CPED1: variants seen among roughly 807,000 people sequenced by gnomAD.
CPED1 encodes the protein cadherin like and PC-esterase domain containing 1.
In CPED1, 114 loss-of-function variants were observed where a neutral mutation model predicts 128.2. The observed-to-expected ratio is 0.89, with a 90% CI of 0.76 to 1.04. CPED1 has a LOEUF of 1.04. CPED1 is among the 50% of genes least tolerant of loss of function. CPED1 has a pLI of 0.00. For missense variants in CPED1, 1,211 were observed against 1,207.1 expected (o/e 1.00, Z -0.05); for synonymous variants, 462 against 426.7 (o/e 1.08, Z -1.02).
intron 16 of CPED1, among the ~76,000 whole-genome samples, chr7:121,178,074 G>A (rs1796823386): frequency 6.6e-6 from 1 of 152,040 alleles, no homozygotes; most frequent in Non-Finnish European, 1.5e-5. Context: ...AGATCTTTTT[G>A]TCAGAAGAAC....
chr7:121,166,252 A>G (rs1175126422), intron 16 of CPED1, among the ~76,000 whole-genome samples: 1 of 152,200 alleles, frequency 6.6e-6, no homozygotes, highest in African/African-American at 2.4e-5. Context: ...GCTTATTACC[A>G]CAATGACACT....
rs534778733 is a variant in CPED1 at position 121,141,089 on chromosome 7, T to C, written c.1886+76T>C. 1.5e-5 allele frequency: 18 copies of C among 1,197,416 alleles called. No individual in the cohort carries two copies. The South Asian group carries it at 3.0e-4, about 20-fold the overall frequency. The allele number at this position is 1,197,416 out of a possible 1,614,324, so 74.2% of individuals were successfully genotyped here. ...CATTTGATGCAAACTTTGAAAGTGGTTCAGAAAAGCTGATTCATAAGATCA... is the reference window on the plus strand; with the variant it reads ...CATTTGATGCAAACTTTGAAAGTGGCTCAGAAAAGCTGATTCATAAGATCA... On this transcript the variant is annotated intron_variant, in intron 15 of 22. Transcript: ENST00000310396.
At chr7:121,213,525 C>G (rs1797693823) in intron 16 of CPED1, among the ~76,000 whole-genome samples, 1 of 151,990 alleles carries the variant, frequency 6.6e-6, no homozygotes, top group Non-Finnish European at 1.5e-5. Context: ...TGACTGTCCT[C>G]CCGTAATTCC....
chr7:121,127,553 T>G (rs1795535740), intron 10 of CPED1, among the ~76,000 whole-genome samples: 1 of 125,706 alleles, frequency 8.0e-6, no homozygotes. Flanking sequence ...TTTTTTTTTT[T>G]GAGACAGAGT....
At chr7:121,146,482 A>G (rs1055144313) in intron 16 of CPED1, among the ~76,000 whole-genome samples, 7 of 152,104 alleles carry the variant, frequency 4.6e-5, no homozygotes, top group African/African-American at 1.7e-4. Context: ...GAAGAAACCA[A>G]TTTAAGATTA....
At chr7:121,266,113 G>C in intron 18 of CPED1, 114 bp from the exon 19 acceptor site, 1 of 741,524 alleles carries the variant, frequency 1.3e-6, no homozygotes, top group Non-Finnish European at 2.3e-6. Context: ...TTGAAGGGCT[G>C]TCCTTCAAAC....
intron 18 of CPED1, among the ~76,000 whole-genome samples, chr7:121,249,522 C>A (rs4731002): frequency 0.42 from 63,139 of 151,990 alleles, 13,573 homozygotes; most frequent in Middle Eastern, 0.51. Context: ...GGGCCTATTT[C>A]TAGCATCTTT....
At chr7:121,119,456 C>T (rs747910300) in intron 7 of CPED1, among the ~76,000 whole-genome samples, 5 of 150,610 alleles carry the variant, frequency 3.3e-5, no homozygotes, top group African/African-American at 4.9e-5. Context: ...TGAGCCACTG[C>T]GCCCGGCCCC....
chr7:121,057,199 C>T (rs1161262898), intron 4 of CPED1, among the ~76,000 whole-genome samples: 1 of 152,046 alleles, frequency 6.6e-6, no homozygotes, highest in East Asian at 1.9e-4. Flanking sequence ...AGGCTGTTCT[C>T]GAACTTCTGA....
intron 16 of CPED1, among the ~76,000 whole-genome samples, chr7:121,207,348 C>T (rs1364866558): frequency 6.6e-6 from 1 of 151,918 alleles, no homozygotes; most frequent in Non-Finnish European, 1.5e-5. Context: ...TATAAGTGTG[C>T]CTGTTTCCCC....
intron 18 of CPED1, among the ~76,000 whole-genome samples, chr7:121,254,927 A>C (rs1286215147): frequency 1.3e-5 from 2 of 151,540 alleles, no homozygotes; most frequent in Non-Finnish European, 2.9e-5. Flanking sequence ...AAAACATACC[A>C]ATCAAAACAA....
intron 2 of CPED1, among the ~76,000 whole-genome samples, chr7:121,004,886 A>C (rs1447339115): frequency 6.6e-6 from 1 of 152,174 alleles, no homozygotes; most frequent in Non-Finnish European, 1.5e-5. Context: ...CAAATGGACT[A>C]ATTTCTGGTC....
At chr7:121,254,845 T>C (rs1798766533) in intron 18 of CPED1, among the ~76,000 whole-genome samples, 1 of 151,064 alleles carries the variant, frequency 6.6e-6, no homozygotes, top group African/African-American at 2.4e-5. Flanking sequence ...ACTCCCAAAA[T>C]TGAAAAGGAA....
At chr7:121,239,003 C>T (rs1224753133) in intron 17 of CPED1, among the ~76,000 whole-genome samples, 1 of 152,128 alleles carries the variant, frequency 6.6e-6, no homozygotes, top group Non-Finnish European at 1.5e-5. Context: ...CATCCTCAAG[C>T]TCCAAAAGGC....
intron 22 of CPED1, among the ~76,000 whole-genome samples, chr7:121,291,164 A>G (rs1193814343): frequency 2.0e-5 from 3 of 152,040 alleles, no homozygotes; most frequent in East Asian, 1.9e-4. Flanking sequence ...TGGTCTATGT[A>G]TCTGTTTTGG....
In CPED1 at chr7:121,130,250, A is replaced by C. The variant is rs757568350; in HGVS notation, c.1533A>C (p.Gln511His). The change falls in exon 12 of 23, where the codon CAA (glutamine) becomes CAC (histidine). Residue 511 changes from glutamine (Q) to histidine (H), a missense_variant. Transcript: ENST00000310396. ...QYWSLLNVFE[Q>H]FQFMNKKTQP... ...GGTCTCTTTTAAATGTATTTGAACA[A>C]TTTCAGTTCATGAATAAAAAGACAC... 6.2e-7 allele frequency: 1 copy of C among 1,608,984 alleles called. No individual in the cohort carries two copies. The highest frequency in any genetic ancestry group is 1.1e-5 in the South Asian group (1 of 90,114).
At chr7:121,015,065 C>T (rs977993060) in intron 2 of CPED1, among the ~76,000 whole-genome samples, 10 of 152,154 alleles carry the variant, frequency 6.6e-5, no homozygotes, top group South Asian at 6.2e-4. Context: ...GAGGGAATAA[C>T]GTAGAATTAT....
intron 3 of CPED1, among the ~76,000 whole-genome samples, chr7:121,026,287 C>G (rs1792579835): frequency 6.6e-6 from 1 of 152,138 alleles, no homozygotes; most frequent in Admixed American, 6.5e-5. Flanking sequence ...TACCTGCTTC[C>G]TTACAGTTTC....
At position 121,099,936 on chromosome 7, in the gene CPED1, A is replaced by G. The variant is rs150593278; in HGVS notation, c.760A>G (p.Thr254Ala). Residue 254 changes from threonine (T) to alanine (A), a missense_variant, in exon 7 of 23, where the codon ACA becomes GCA. Thr to Ala is a moderately conservative substitution (Grantham distance 58, BLOSUM62 0). Transcript: ENST00000310396. ...TTTTTTTTTTTTTAGGAATGAAACG[A>G]CAGTCCTTGCTCCACATGAAACAAT... ...DWSREQLNET[T>A]VLAPHETIFR... The G allele has an allele frequency of 3.4e-5, 55 of 1,611,328 alleles. No individual in the cohort carries two copies. Among genetic ancestry groups the G allele is most frequent in the Non-Finnish European group, 4.4e-5 (52 of 1,179,124 alleles).
Sources: gnomAD v4.1 joint callset for allele counts (sites outside exome capture counted in the v4.1 genomes callset) on GRCh38, gnomAD v4.1.1 for gene constraint, MANE v1.5 for transcripts, NCBI Gene and HGNC (gene_info 2026-07-23, HGNC 2026-07-21) for gene names.